Variants in TMEM131 observed in about 807,000 individuals in gnomAD.
The protein encoded by TMEM131 is 2610524E03Rik.
In TMEM131, 66 loss-of-function variants were observed where a neutral mutation model predicts 211.6. The ratio of observed to expected loss-of-function variants is 0.31; its 90% confidence interval spans 0.26 to 0.38. The LOEUF (loss-of-function observed/expected upper bound fraction) is 0.38, where lower values mean the gene tolerates loss of function less well. TMEM131 is among the 10% of genes least tolerant of loss of function. The pLI is 1.00. For synonymous variants in TMEM131, 844 were observed against 841.3 expected, an observed-to-expected ratio of 1.00 and a Z score of -0.06; for missense variants, 2,036 against 2,299.3, an observed-to-expected ratio of 0.89 and a Z score of 2.34.
intron 11 of TMEM131, among the ~76,000 whole-genome samples, chr2:97,828,910 C>T (rs912224044): frequency 1.3e-5 from 2 of 152,194 alleles, no homozygotes. Context: ...TTTTTAATCT[C>T]CTTGTCAAAT....
In TMEM131 at chr2:97,780,961, C is replaced by T. The variant is rs139544706; in HGVS notation, c.4145-4943G>A. Among the ~76,000 whole-genome samples, 210 of 152,246 alleles carry T rather than the reference C, an allele frequency of 1.4e-3. 1 individual carries two copies. The highest frequency in any genetic ancestry group is 4.6e-3 in the African/African-American group (192 of 41,526). On this transcript the variant is annotated intron_variant, in intron 31 of 40. Coordinates refer to ENST00000186436, the MANE Select transcript of TMEM131 (RefSeq NM_015348.2). ...ATCTTGGTAGAGCAGCCAGGTTCGT[C>T]GGGTTCACACCACTGCCCGGATGAA...
chr2:97,857,267 C>A (rs144394300), intron 5 of TMEM131, among the ~76,000 whole-genome samples: 1 of 152,196 alleles, frequency 6.6e-6, no homozygotes, highest in African/African-American at 2.4e-5. Flanking sequence ...ATGGTAACCA[C>A]TGGGCTGGAG....
At chr2:97,969,643 T>C (rs1209040351) in intron 1 of TMEM131, among the ~76,000 whole-genome samples, 3 of 152,216 alleles carry the variant, frequency 2.0e-5, no homozygotes, top group Non-Finnish European at 4.4e-5. Context: ...AAAACATATC[T>C]ACACACTATT....
intron 4 of TMEM131, among the ~76,000 whole-genome samples, chr2:97,867,929 C>G (rs1386469850): frequency 6.6e-6 from 1 of 152,166 alleles, no homozygotes; most frequent in Non-Finnish European, 1.5e-5. Context: ...AGATTTACAA[C>G]ATTTTTTTGA....
At chr2:97,819,314 G>T (rs1182704659) in intron 11 of TMEM131, among the ~76,000 whole-genome samples, 1 of 152,206 alleles carries the variant, frequency 6.6e-6, no homozygotes, top group African/African-American at 2.4e-5. Context: ...TGTTCAGCTT[G>T]AAGCCAGAAT....
chr2:97,906,658 A>G (rs1676083727), intron 3 of TMEM131, among the ~76,000 whole-genome samples: 1 of 152,232 alleles, frequency 6.6e-6, no homozygotes, highest in African/African-American at 2.4e-5. Flanking sequence ...AGAGGCCTAC[A>G]TATAGGCATT....
intron 11 of TMEM131, among the ~76,000 whole-genome samples, chr2:97,829,034 TTGAC>T (rs750729346): frequency 2.0e-5 from 3 of 152,222 alleles, no homozygotes; most frequent in Non-Finnish European, 2.9e-5. Flanking sequence ...CACTGGCCCT[TTGAC>T]TGGCCTAGAC....
At chr2:97,823,968 G>A (rs1349588597) in intron 11 of TMEM131, among the ~76,000 whole-genome samples, 2 of 152,082 alleles carry the variant, frequency 1.3e-5, no homozygotes, top group African/African-American at 4.8e-5. Context: ...TTCTATAATA[G>A]GGACCAAGAG....
In TMEM131 at chr2:97,990,192, T is replaced by C. The variant is rs1680198617; in HGVS notation, c.187+5284A>G. 2.6e-5 allele frequency among the ~76,000 whole-genome samples: 4 copies of C among 152,186 alleles called. 1 individual carries two copies. The highest frequency in any genetic ancestry group is 9.7e-5 in the African/African-American group (4 of 41,434). Reference sequence around the variant, plus strand: ...AGACAGTAGCTTCGAATACCAAATATTCATTTCCCTGTATTATCCACTCAC... The same window carrying C: ...AGACAGTAGCTTCGAATACCAAATACTCATTTCCCTGTATTATCCACTCAC... On this transcript the variant is annotated intron_variant, in intron 1 of 40. Coordinates refer to ENST00000186436, the MANE Select transcript of TMEM131 (RefSeq NM_015348.2).
rs116430951 is a variant in TMEM131, at chr2:97,920,408, T to C, written c.249+7018A>G. On this transcript the variant is annotated intron_variant, in intron 2 of 40. Coordinates refer to ENST00000186436, the MANE Select transcript of TMEM131 (RefSeq NM_015348.2). ...CAAAGAGGACTACTAAATAGCACTG[T>C]ATTAACATCATACTGGCTGTAGCTA... Among the ~76,000 whole-genome samples, 77 of 152,298 alleles carry C rather than the reference T, an allele frequency of 5.1e-4. 1 individual carries two copies. The highest frequency in any genetic ancestry group is 1.8e-3 in the African/African-American group (73 of 41,560).
At chr2:97,793,184 A>T in intron 30 of TMEM131, 200 bp from the exon 31 acceptor site, 1 of 646,032 alleles carries the variant, frequency 1.5e-6, no homozygotes, top group Non-Finnish European at 2.6e-6. Flanking sequence ...TGATCTAACT[A>T]AAAGTATTTT....
At chr2:97,941,267 C>T (rs62156512) in intron 1 of TMEM131, among the ~76,000 whole-genome samples, 11,363 of 152,092 alleles carry the variant, frequency 0.075, 505 homozygotes, top group Middle Eastern at 0.12. Context: ...AACTGGCTAG[C>T]CATATGTAGA....
At chr2:97,760,770 G>A (rs1392738019) in intron 37 of TMEM131, 23 bp downstream of exon 37, 1 of 1,613,774 alleles carries the variant, frequency 6.2e-7, no homozygotes, top group Non-Finnish European at 8.5e-7. Context: ...GGCGTGGCAG[G>A]TCTCTGAAGC....
At chr2:97,853,476 C>T (rs1407194297) in intron 5 of TMEM131, among the ~76,000 whole-genome samples, 1 of 146,908 alleles carries the variant, frequency 6.8e-6, no homozygotes, top group East Asian at 2.0e-4. Flanking sequence ...AGTGGTGGGA[C>T]GGGCCTATAA....
intron 1 of TMEM131, among the ~76,000 whole-genome samples, chr2:97,928,661 C>A (rs374335007): frequency 2.0e-5 from 3 of 151,754 alleles, no homozygotes; most frequent in Non-Finnish European, 2.9e-5. Flanking sequence ...AAACCATACA[C>A]ACGCAATGTA....
chr2:97,859,405 C>T lies in TMEM131; in HGVS notation c.382G>A (p.Glu128Lys). The T allele has an allele frequency of 6.3e-7, 1 of 1,585,394 alleles. No homozygotes were observed. ...HEQPVGMPKM[E>K]KVYLHNPSSE... ...CTAGGATTATGTAAGTAGACTTTTT[C>T]CATTTTTGGCATTCCAACTGGTCTG... Residue 128 changes from glutamate (E) to lysine (K), a missense_variant, in exon 5 of 41, where the codon GAA becomes AAA. Glu to Lys is a moderately conservative substitution (Grantham distance 56). Transcript: ENST00000186436.
intron 1 of TMEM131, among the ~76,000 whole-genome samples, chr2:97,928,815 A>G (rs1677097223): frequency 6.6e-6 from 1 of 151,818 alleles, no homozygotes; most frequent in South Asian, 2.1e-4. Flanking sequence ...AGCAATTTAT[A>G]CAGAAACAAG....
chr2:97,897,774 C>T (rs1017172494), intron 3 of TMEM131, among the ~76,000 whole-genome samples: 1 of 152,028 alleles, frequency 6.6e-6, no homozygotes, highest in Non-Finnish European at 1.5e-5. Context: ...TTTCTAAAAG[C>T]GTTTATGTAA....
chr2:97,830,427 C>G (rs778304215), intron 11 of TMEM131, among the ~76,000 whole-genome samples: 3 of 152,202 alleles, frequency 2.0e-5, no homozygotes, highest in Non-Finnish European at 4.4e-5. Context: ...CTAGGCTTTT[C>G]TCACAACATT....
Sources: allele counts gnomAD v4.1 joint callset (sites outside exome capture counted in the v4.1 genomes callset), GRCh38; gene constraint gnomAD v4.1.1; transcripts MANE v1.5; gene names NCBI Gene and HGNC (gene_info 2026-07-23, HGNC 2026-07-21).